The following ATP2B2 variants were observed in gnomAD, a reference collection of about 807,000 sequenced individuals.
The protein encoded by ATP2B2 is plasma membrane calcium-transporting ATPase 2.
Under a neutral mutation model 120.0 loss-of-function variants are expected in ATP2B2, and 15 were observed. The observed-to-expected ratio is 0.12, with a 90% CI of 0.08 to 0.19. ATP2B2 has a LOEUF of 0.19. Among genes scored for constraint, ATP2B2 ranks in the 10% least tolerant of loss-of-function variants. The pLI, the probability that ATP2B2 is intolerant of heterozygous loss-of-function variation, is 1.00. For missense variants in ATP2B2, 1,045 were observed against 1,719.8 expected (o/e 0.61, Z 6.94); for synonymous variants, 694 against 700.3 (o/e 0.99, Z 0.14).
At chr3:10,628,935 T>G (rs967650647) in intron 1 of ATP2B2, among the ~76,000 whole-genome samples, 4 of 152,208 alleles carry the variant, frequency 2.6e-5, no homozygotes, top group African/African-American at 9.6e-5. Context: ...TGTTTGTTTG[T>G]TTTTGTTTGT....
At chr3:10,606,352 G>A (rs911171585) in intron 2 of ATP2B2, among the ~76,000 whole-genome samples, 7 of 152,136 alleles carry the variant, frequency 4.6e-5, no homozygotes, top group Non-Finnish European at 7.3e-5. Flanking sequence ...CAAGAGCCTG[G>A]CTTGTGTTTA....
At chr3:10,707,344 A>C (rs1032885193) in intron 1 of ATP2B2, among the ~76,000 whole-genome samples, 5 of 152,178 alleles carry the variant, frequency 3.3e-5, no homozygotes, top group African/African-American at 1.2e-4. Flanking sequence ...TGCGGAGAGC[A>C]CTTGGCAGAG....
intron 12 of ATP2B2, among the ~76,000 whole-genome samples, chr3:10,361,963 G>C (rs1226635445): frequency 6.6e-6 from 1 of 152,158 alleles, no homozygotes; most frequent in Non-Finnish European, 1.5e-5. Context: ...ATTCACAGGA[G>C]GCTGTGAAAG....
intron 16 of ATP2B2, among the ~76,000 whole-genome samples, chr3:10,349,026 T>C (rs1458072644): frequency 6.6e-6 from 1 of 152,228 alleles, no homozygotes; most frequent in African/African-American, 2.4e-5. Context: ...GAATCCAAGA[T>C]GTTCTAGGGC....
intron 2 of ATP2B2, among the ~76,000 whole-genome samples, chr3:10,439,065 A>AAAGGGCC (rs778129092): frequency 1.1e-4 from 17 of 152,234 alleles, no homozygotes; most frequent in Non-Finnish European, 2.1e-4. Flanking sequence ...GGCCTGGGGC[A>AAAGGGCC]AAGGGCCAAG....
At chr3:10,436,018 G>A (rs2063469705) in intron 2 of ATP2B2, among the ~76,000 whole-genome samples, 1 of 152,140 alleles carries the variant, frequency 6.6e-6, no homozygotes, top group South Asian at 2.1e-4. Flanking sequence ...CAGTCAAAGT[G>A]TCCCCACCTT....
intron 2 of ATP2B2, among the ~76,000 whole-genome samples, chr3:10,585,496 A>AAAAAAAAAG (rs2068488836): frequency 6.9e-6 from 1 of 144,990 alleles, no homozygotes; most frequent in Non-Finnish European, 1.5e-5. Context: ...TCCGTCTGAA[A>AAAAAAAAAG]AAAAAAAAAA....
rs115349749 is a variant in ATP2B2, at chr3:10,388,629, C to A, written c.782-227G>T. Reference sequence around the variant, plus strand: ...ACTGCTACCTATCAGTTCTCAGGTACCCCAAACATCTCCAGGCCCACCACC... The same window carrying A: ...ACTGCTACCTATCAGTTCTCAGGTAACCCAAACATCTCCAGGCCCACCACC... On this transcript the variant is annotated intron_variant, in intron 5 of 22. Transcript: ENST00000360273. Among the ~76,000 whole-genome samples, 500 of 152,228 alleles carry A rather than the reference C, an allele frequency of 3.3e-3. 3 individuals are homozygous for A. Among genetic ancestry groups the A allele is most frequent in the African/African-American group, 0.011 (471 of 41,518 alleles).
At chr3:10,488,837 C>A (rs67062411) in intron 1 of ATP2B2, among the ~76,000 whole-genome samples, 3 of 151,940 alleles carry the variant, frequency 2.0e-5, no homozygotes, top group Non-Finnish European at 4.4e-5. Flanking sequence ...CCTCACCCCC[C>A]ACAGTCTGTT....
chr3:10,379,564 A>G (rs2061474525), intron 8 of ATP2B2, among the ~76,000 whole-genome samples: 1 of 152,178 alleles, frequency 6.6e-6, no homozygotes, highest in South Asian at 2.1e-4. Context: ...AGCGTGTTAC[A>G]GATCAAAGGG....
chr3:10,411,085 C>CTGT (rs1313869798), intron 2 of ATP2B2, among the ~76,000 whole-genome samples: 1 of 152,092 alleles, frequency 6.6e-6, no homozygotes, highest in African/African-American at 2.4e-5. Context: ...GAAAATAGTC[C>CTGT]TGTTGTTGTA....
chr3:10,345,682 G>A, intron 17 of ATP2B2, 107 bp from the exon 18 acceptor site: 1 of 1,109,228 alleles, frequency 9.0e-7, no homozygotes, highest in East Asian at 2.5e-5. Flanking sequence ...ACAACTCCCA[G>A]TGGGCCCAGC....
chr3:10,437,524 C>G (rs541802050), intron 2 of ATP2B2, among the ~76,000 whole-genome samples: 1 of 152,342 alleles, frequency 6.6e-6, no homozygotes, highest in South Asian at 2.1e-4. Flanking sequence ...TCCTAACGCC[C>G]ACTTCTTAAC....
At chr3:10,625,170 C>T (rs552449349) in intron 1 of ATP2B2, among the ~76,000 whole-genome samples, 3 of 152,350 alleles carry the variant, frequency 2.0e-5, no homozygotes, top group South Asian at 2.1e-4. Flanking sequence ...TCTGGCTGCA[C>T]GAGGCCACCT....
At chr3:10,688,575 C>T (rs1218421181) in intron 1 of ATP2B2, among the ~76,000 whole-genome samples, 5 of 152,158 alleles carry the variant, frequency 3.3e-5, no homozygotes, top group East Asian at 1.9e-4. Flanking sequence ...TGCCAAATGA[C>T]CCAGGTCCCC....
At position 10,358,844 on chromosome 3, in the gene ATP2B2, A is replaced by C. The variant is rs200255705; in HGVS notation, c.1983T>G (p.Ile661Met). ...RDRDEMVKKV[I>M]EPMACDGLRT... ...GGAGCCCATCGCAAGCCATGGGCTC[A>C]ATCACCTTCTTTACCATCTCGTCCC... is the stretch of plus-strand genomic sequence containing the variant. Residue 661 changes from isoleucine to methionine, a missense_variant, in exon 14 of 23, where the codon ATT becomes ATG. By Grantham distance (10) the Ile-to-Met change is conservative (BLOSUM62 1). Coordinates refer to ENST00000360273, the MANE Select transcript of ATP2B2 (RefSeq NM_001001331.4). 1 of 1,614,216 alleles carries C rather than the reference A, an allele frequency of 6.2e-7. No homozygotes were observed. The highest frequency in any genetic ancestry group is 2.2e-5 in the East Asian group (1 of 44,884).
chr3:10,549,155 G>C (rs936615295), intron 2 of ATP2B2, among the ~76,000 whole-genome samples: 1 of 152,154 alleles, frequency 6.6e-6, no homozygotes, highest in African/African-American at 2.4e-5. Context: ...ATCATGATTT[G>C]TTGTCTGTCA....
At chr3:10,577,856 G>A (rs911703714) in intron 2 of ATP2B2, among the ~76,000 whole-genome samples, 1 of 152,220 alleles carries the variant, frequency 6.6e-6, no homozygotes, top group Non-Finnish European at 1.5e-5. Context: ...CCACAGACCA[G>A]CAGCCTGGTC....
chr3:10,493,209 A>C (rs1254687302), intron 1 of ATP2B2, among the ~76,000 whole-genome samples: 1 of 152,208 alleles, frequency 6.6e-6, no homozygotes, highest in Non-Finnish European at 1.5e-5. Flanking sequence ...AGGGTGGTAC[A>C]TGCTATTCGA....
Sources: allele counts gnomAD v4.1 joint callset (sites outside exome capture counted in the v4.1 genomes callset), GRCh38; gene constraint gnomAD v4.1.1; transcripts MANE v1.5; gene names NCBI Gene and HGNC (gene_info 2026-07-23, HGNC 2026-07-21).